Variants in FAM13B observed in about 807,000 individuals in gnomAD.
FAM13B encodes protein FAM13B.
FAM13B carries 60 observed loss-of-function variants against 117.3 expected under a neutral mutation model. The ratio of observed to expected loss-of-function variants is 0.51; its 90% confidence interval spans 0.42 to 0.63. The LOEUF is 0.63. Among genes scored for constraint, FAM13B ranks in the 30% least tolerant of loss-of-function variants. The pLI, the probability that FAM13B is intolerant of heterozygous loss-of-function variation, is 0.00. For missense variants in FAM13B, 972 were observed against 1,091.9 expected (o/e 0.89, Z 1.55); for synonymous variants, 332 against 356.1 (o/e 0.93, Z 0.76).
intron 10 of FAM13B, among the ~76,000 whole-genome samples, chr5:137,969,803 C>A (rs190583415): frequency 2.0e-5 from 3 of 151,960 alleles, no homozygotes; most frequent in Non-Finnish European, 2.9e-5. Context: ...TCGAGAACTA[C>A]GTGAAGAATG....
intron 18 of FAM13B, among the ~76,000 whole-genome samples, chr5:137,948,123 T>G (rs4557401): frequency 6.6e-6 from 1 of 151,470 alleles, no homozygotes; most frequent in Non-Finnish European, 1.5e-5. Context: ...GGTTGCCAAG[T>G]GCTTTGATCA....
chr5:138,028,086 T>C (rs1334771989), intron 1 of FAM13B, among the ~76,000 whole-genome samples: 1 of 152,258 alleles, frequency 6.6e-6, no homozygotes, highest in Non-Finnish European at 1.5e-5. Flanking sequence ...GTTATTAAGT[T>C]CATACTGGCT....
At chr5:138,001,162 T>G (rs552118133) in intron 7 of FAM13B, among the ~76,000 whole-genome samples, 1 of 152,304 alleles carries the variant, frequency 6.6e-6, no homozygotes, top group South Asian at 2.1e-4. Context: ...CCCCAAGTGT[T>G]TATTTCTCTT....
At chr5:137,988,889 G>C (rs1024159201) in intron 7 of FAM13B, among the ~76,000 whole-genome samples, 4 of 152,162 alleles carry the variant, frequency 2.6e-5, no homozygotes, top group Non-Finnish European at 5.9e-5. Context: ...TACTTGTGGG[G>C]GTGAGAGTGG....
chr5:137,959,573 C>A, intron 13 of FAM13B, 43 bp downstream of exon 13: 1 of 1,608,430 alleles, frequency 6.2e-7, no homozygotes, highest in South Asian at 1.1e-5. Flanking sequence ...ATTTCGGTTA[C>A]AAGTAACATT....
At chr5:138,018,891 T>C in intron 3 of FAM13B, 64 bp downstream of exon 3, 1 of 1,346,132 alleles carries the variant, frequency 7.4e-7, no homozygotes, top group South Asian at 1.5e-5. Context: ...AAATCCAAGG[T>C]CAAAAAGGTG....
chr5:138,001,101 G>C (rs1781153733), intron 7 of FAM13B, among the ~76,000 whole-genome samples: 1 of 152,034 alleles, frequency 6.6e-6, no homozygotes, highest in African/African-American at 2.4e-5. Flanking sequence ...CTTTTTATAA[G>C]GGTACTAATG....
intron 4 of FAM13B, among the ~76,000 whole-genome samples, chr5:138,014,205 G>A (rs1784728884): frequency 6.6e-6 from 1 of 152,234 alleles, no homozygotes; most frequent in South Asian, 2.1e-4. Context: ...CCAAAGTGCT[G>A]GGATTACAGG....
intron 10 of FAM13B, among the ~76,000 whole-genome samples, chr5:137,965,023 G>T (rs963411675): frequency 1.3e-5 from 2 of 152,058 alleles, no homozygotes; most frequent in African/African-American, 2.4e-5. Flanking sequence ...AAATCAGCCA[G>T]GTGCAGTAGT....
At chr5:137,943,289 A>G (rs1762399962) in intron 20 of FAM13B, 73 bp from the exon 21 acceptor site, 1 of 1,154,560 alleles carries the variant, frequency 8.7e-7, no homozygotes, top group Admixed American at 2.1e-5. Flanking sequence ...TCCCTTCATT[A>G]TGTTACGAAT....
intron 10 of FAM13B, among the ~76,000 whole-genome samples, chr5:137,963,510 A>G (rs955657069): frequency 1.3e-5 from 2 of 152,208 alleles, no homozygotes; most frequent in African/African-American, 4.8e-5. Flanking sequence ...TAACAGATAT[A>G]CCTATGTAAA....
intron 10 of FAM13B, among the ~76,000 whole-genome samples, chr5:137,975,202 T>C (rs1394997724): frequency 6.6e-6 from 1 of 152,162 alleles, no homozygotes; most frequent in Non-Finnish European, 1.5e-5. Flanking sequence ...CATAATACAC[T>C]TGAAACTCAT....
chr5:137,998,343 C>T (rs966001233), intron 7 of FAM13B, among the ~76,000 whole-genome samples: 2 of 152,144 alleles, frequency 1.3e-5, no homozygotes, highest in Non-Finnish European at 2.9e-5. Flanking sequence ...GGGGCCAGTC[C>T]GTGACAGAGA....
chr5:137,972,142 A>G (rs1200572278), intron 10 of FAM13B, among the ~76,000 whole-genome samples: 6 of 148,876 alleles, frequency 4.0e-5, no homozygotes, highest in Admixed American at 6.7e-5. Flanking sequence ...TACCAAAGCC[A>G]GGCAGAGACA....
At chr5:138,047,676 C>T (rs1791682710) in intron 1 of FAM13B, among the ~76,000 whole-genome samples, 1 of 152,128 alleles carries the variant, frequency 6.6e-6, no homozygotes, top group Admixed American at 6.6e-5. Flanking sequence ...ATCACACAGG[C>T]CTTTATAAAT....
At chr5:138,033,123 C>T, upstream of FAM13B, 3 of 92,972 alleles carry the variant, frequency 3.2e-5, no homozygotes, top group Non-Finnish European at 6.2e-5. Context: ...TGGGAGGGGG[C>T]GGGGCAGGCC....
rs1203408763 is a variant in FAM13B at position 137,966,484 on chromosome 5, T to TAGAG, written c.1180-4016_1180-4015insCTCT. Among the ~76,000 whole-genome samples, 363 of 50,504 alleles carry TAGAG rather than the reference T, an allele frequency of 7.2e-3. 1 individual carries two copies. The highest frequency in any genetic ancestry group is 0.018 in the South Asian group (20 of 1,116). The allele number at this position is 50,504 out of a possible 152,430, so 33.1% of individuals were successfully genotyped here. On this transcript the variant is annotated intron_variant, in intron 10 of 23. Transcript: ENST00000689681. ...TTATATATATATATATATATATATA[T>TAGAG]ATATAGAGAGAGAGAGAGAGAGAGA...
chr5:137,963,201 T>C (rs4835662), intron 10 of FAM13B, among the ~76,000 whole-genome samples: 21,056 of 152,238 alleles, frequency 0.14, 1,887 homozygotes, highest in Non-Finnish European at 0.2. Flanking sequence ...GTTAAAATAC[T>C]AGTCCCTTTT....
chr5:138,018,787 T>C (rs1163355811), intron 3 of FAM13B, among the ~76,000 whole-genome samples, 168 bp downstream of exon 3: 2 of 152,066 alleles, frequency 1.3e-5, no homozygotes, highest in Non-Finnish European at 2.9e-5. Context: ...CATTTCTAAG[T>C]ATATGAATTT....
Sources: allele counts gnomAD v4.1 joint callset (sites outside exome capture counted in the v4.1 genomes callset), GRCh38; gene constraint gnomAD v4.1.1; transcripts MANE v1.5; gene names NCBI Gene and HGNC (gene_info 2026-07-23, HGNC 2026-07-21).